Variants in NAV2 observed in about 807,000 individuals in gnomAD.
NAV2 encodes the protein helicase, APC down-regulated 1.
NAV2 carries 54 observed loss-of-function variants against 223.2 expected under a neutral mutation model. That is an observed-to-expected ratio of 0.24 (90% CI 0.19 to 0.30). The LOEUF (loss-of-function observed/expected upper bound fraction) is 0.30. NAV2 is among the 10% of genes least tolerant of loss of function. The probability of loss-of-function intolerance (pLI) is 1.00; values close to 1 mark genes in which losing one functional copy is unlikely to be tolerated. For missense variants in NAV2, 2,806 were observed against 3,147.5 expected (o/e 0.89, Z 2.60); for synonymous variants, 1,279 against 1,239.3 (o/e 1.03, Z -0.67).
chr11:19,682,308 A>C (rs746410640), intron 1 of NAV2, among the ~76,000 whole-genome samples: 1 of 152,214 alleles, frequency 6.6e-6, no homozygotes, highest in Non-Finnish European at 1.5e-5. Flanking sequence ...CTTTTTACAC[A>C]CATGCCTTAT....
At chr11:20,067,687 A>T (rs2059138606) in intron 20 of NAV2, among the ~76,000 whole-genome samples, 4 of 142,686 alleles carry the variant, frequency 2.8e-5, no homozygotes. Flanking sequence ...GATGGGTTTC[A>T]CCATGTTGGC....
intron 20 of NAV2, among the ~76,000 whole-genome samples, chr11:20,064,987 T>G (rs1370966382): frequency 6.6e-6 from 1 of 152,158 alleles, no homozygotes; most frequent in African/African-American, 2.4e-5. Flanking sequence ...TCCCATTTAC[T>G]GTCCTCAGTA....
chr11:19,415,284 A>T (rs957542803), intron 1 of NAV2, among the ~76,000 whole-genome samples: 19 of 152,222 alleles, frequency 1.2e-4, no homozygotes, highest in Non-Finnish European at 2.5e-4. Context: ...TCTTACAGAA[A>T]TACAAACTAC....
At chr11:20,099,687 C>T (rs1436245115) in intron 31 of NAV2, among the ~76,000 whole-genome samples, 1 of 152,182 alleles carries the variant, frequency 6.6e-6, no homozygotes, top group Non-Finnish European at 1.5e-5. Flanking sequence ...TGATTCACTT[C>T]AGTGGTACCA....
At chr11:19,461,009 C>T (rs1294306631) in intron 1 of NAV2, among the ~76,000 whole-genome samples, 1 of 152,124 alleles carries the variant, frequency 6.6e-6, no homozygotes, top group Non-Finnish European at 1.5e-5. Context: ...GTCTGATTTT[C>T]CAGGAGGGGA....
Position 20,045,054 on chromosome 11 carries a change from C to T in NAV2, c.3286C>T (p.Arg1096Trp), listed in dbSNP as rs770143719. 8.7e-6 allele frequency: 14 copies of T among 1,613,986 alleles called. No homozygotes were observed. Among genetic ancestry groups the T allele is most frequent in the Middle Eastern group, 3.3e-4 (2 of 6,084 alleles). Residue 1096 changes from arginine to tryptophan, a missense_variant, in exon 14 of 38, where the codon CGG becomes TGG. By Grantham distance (101) the Arg-to-Trp change is moderately radical. Coordinates refer to ENST00000349880, the MANE Select transcript of NAV2 (RefSeq NM_145117.5). ...GAAGCGCTCCCCATCAGATGCAGGC[C>T]GGAGCAGTGGTGACGAATCCAAAAA... The part of the protein sequence containing the change: ...QVKRSPSDAG[R>W]SSGDESKKPL...
intron 1 of NAV2, among the ~76,000 whole-genome samples, chr11:19,389,768 CAT>C (rs1257173987): frequency 1.3e-5 from 2 of 152,340 alleles, no homozygotes; most frequent in Admixed American, 6.5e-5. Flanking sequence ...CCAGACATCT[CAT>C]GTGTGTTCCT....
At chr11:19,411,432 C>A (rs1850140371) in intron 1 of NAV2, among the ~76,000 whole-genome samples, 1 of 152,194 alleles carries the variant, frequency 6.6e-6, no homozygotes, top group Admixed American at 6.5e-5. Flanking sequence ...CCTGGAGACA[C>A]AGAGGACCTG....
At chr11:19,914,685 C>T (rs1013286905) in intron 6 of NAV2, among the ~76,000 whole-genome samples, 3 of 151,860 alleles carry the variant, frequency 2.0e-5, no homozygotes, top group Admixed American at 6.6e-5. Flanking sequence ...GCTGGGACTA[C>T]AGGCGCCCGC....
At position 19,353,928 on chromosome 11, in the gene NAV2, G is replaced by A. The variant is rs554568475; in HGVS notation, c.75+2901G>A. 6.6e-5 allele frequency among the ~76,000 whole-genome samples: 10 copies of A among 152,228 alleles called. No homozygotes were observed. The South Asian group carries it at 1.2e-3, about 19-fold the overall frequency. On this transcript the variant is annotated intron_variant, in intron 1 of 37. Transcript: ENST00000360655. The stretch of plus-strand genomic sequence containing the variant: ...GGATTCATGCCATACATATTTTTAG[G>A]AAGCTTGCTTTGTCATTTAAAATAA...
chr11:19,476,626 C>T (rs1028795491), intron 1 of NAV2, among the ~76,000 whole-genome samples: 1 of 152,134 alleles, frequency 6.6e-6, no homozygotes. Context: ...TGATAGGATC[C>T]ATGATCCAAT....
intron 1 of NAV2, among the ~76,000 whole-genome samples, chr11:19,498,534 C>A (rs1228969336): frequency 6.6e-6 from 1 of 152,184 alleles, no homozygotes; most frequent in Non-Finnish European, 1.5e-5. Flanking sequence ...ATGTTTTCTT[C>A]CTTTTCCCAT....
intron 1 of NAV2, among the ~76,000 whole-genome samples, chr11:19,821,116 C>G (rs377758801): frequency 2.0e-4 from 30 of 152,066 alleles, no homozygotes; most frequent in East Asian, 1.6e-3. Flanking sequence ...TAAAAAATTA[C>G]CCAGGCGTGG....
In NAV2 at chr11:20,077,566, A is replaced by T. The variant is rs4757028; in HGVS notation, c.4998A>T (p.Ala1666=). ...TTCCCCTCCAGGCTCACCTTGTGGC[A>T]GCCTTTGAACAGAGTCTTGGTAACA... is the stretch of plus-strand genomic sequence containing the variant. ...TQLTANAHLV[A]AFEQSLGNMT... is the part of the protein sequence containing the mutation. The change falls in exon 23 of 38, where the codon GCA becomes GCT. Residue 1666 remains alanine (A), a synonymous_variant. Transcript: ENST00000349880. The T allele has an allele frequency of 0.89, 1,435,015 of 1,613,112 alleles. 638,939 individuals carry two copies. Among genetic ancestry groups the T allele is most frequent in the East Asian group, 0.95 (42,798 of 44,856 alleles).
chr11:19,702,298 A>T lies in NAV2; in HGVS notation c.76-130186A>T, dbSNP rs115470749. On this transcript the variant is annotated intron_variant, in intron 1 of 37. Coordinates refer to the NAV2 transcript ENST00000360655. ...CCACTTGTCAGTGACTTTGTTATAC[A>T]GATAACCTCCCTTTAACTAGAACTG... Among the ~76,000 whole-genome samples the T allele has an allele frequency of 6.3e-3, 962 of 152,326 alleles. 13 individuals are homozygous for T. Among genetic ancestry groups the T allele is most frequent in the African/African-American group, 0.022 (919 of 41,572 alleles).
chr11:19,770,014 C>G (rs59440035), intron 1 of NAV2, among the ~76,000 whole-genome samples: 21,222 of 151,848 alleles, frequency 0.14, 1,594 homozygotes, highest in African/African-American at 0.19. Flanking sequence ...CCACACCAAC[C>G]CTCACCCCCA....
rs182786538 is a variant in NAV2 at position 19,388,151 on chromosome 11, G to A, written c.75+37124G>A. 4.0e-3 allele frequency among the ~76,000 whole-genome samples: 614 copies of A among 152,320 alleles called. 6 individuals are homozygous for A. Among genetic ancestry groups the A allele is most frequent in the African/African-American group, 0.014 (568 of 41,572 alleles). ...GAAACGTCAGACTTTGGGATGGAAG[G>A]AACGGGGTCAAGGGATTTTAGAAAC... On this transcript the variant is annotated intron_variant, in intron 1 of 37. Coordinates refer to the NAV2 transcript ENST00000360655.
At chr11:19,693,962 A>G (rs997678430) in intron 1 of NAV2, among the ~76,000 whole-genome samples, 18 of 152,244 alleles carry the variant, frequency 1.2e-4, no homozygotes, top group African/African-American at 3.9e-4. Context: ...GTTGTTATAG[A>G]CAATTTCATT....
At position 19,410,392 on chromosome 11, in the gene NAV2, T is replaced by C. The variant is rs558580580; in HGVS notation, c.75+59365T>C. On this transcript the variant is annotated intron_variant, in intron 1 of 37. Transcript: ENST00000360655. ...CACTATTCTAAGCACTTTACAAATA[T>C]GAATTCATTTAATCTCCATACCAAC... 9.8e-5 allele frequency among the ~76,000 whole-genome samples: 15 copies of C among 152,308 alleles called. No homozygotes were observed. The South Asian group carries it at 3.1e-3, about 32-fold the overall frequency.
Sources: gnomAD v4.1 joint callset for allele counts (sites outside exome capture counted in the v4.1 genomes callset) on GRCh38, gnomAD v4.1.1 for gene constraint, MANE v1.5 for transcripts, NCBI Gene and HGNC (gene_info 2026-07-23, HGNC 2026-07-21) for gene names.